The following ERO1B variants were observed in gnomAD, a reference collection of about 807,000 sequenced individuals.
ERO1B encodes endoplasmic reticulum oxidoreductase 1 beta, also known as ERO1-like protein beta.
Under a neutral mutation model 75.3 loss-of-function variants are expected in ERO1B, and 49 were observed. That is an observed-to-expected ratio of 0.65 (90% CI 0.52 to 0.83). ERO1B has a LOEUF of 0.83. Among genes scored for constraint, ERO1B ranks in the 40% least tolerant of loss-of-function variants. The pLI is 0.00. For synonymous variants in ERO1B, 191 were observed against 192.9 expected, an observed-to-expected ratio of 0.99 and a Z score of 0.08; for missense variants, 512 against 560.1, an observed-to-expected ratio of 0.91 and a Z score of 0.87.
intron 2 of ERO1B, among the ~76,000 whole-genome samples, chr1:236,257,756 C>G (rs1665193111): frequency 6.6e-6 from 1 of 150,424 alleles, no homozygotes; most frequent in African/African-American, 2.5e-5. Context: ...AAATCATTGA[C>G]CTGAAGAACA....
chr1:236,247,134 C>A (rs1664903317), intron 5 of ERO1B, among the ~76,000 whole-genome samples: 1 of 152,138 alleles, frequency 6.6e-6, no homozygotes, highest in African/African-American at 2.4e-5. Flanking sequence ...ACACTCTCTC[C>A]TTGGTGATCT....
Position 236,217,346 on chromosome 1 carries a change from G to C in ERO1B, c.*1170C>G, listed in dbSNP as rs368420911. 2.0e-5 allele frequency: 3 copies of C among 149,750 alleles called. No homozygotes were observed. The highest frequency in any genetic ancestry group is 4.0e-4 in the East Asian group (2 of 4,982). 9.3% of individuals were successfully genotyped at this position (149,750 alleles called of 1,614,324 possible). The stretch of plus-strand genomic sequence containing the variant: ...TAAATCCCAGATTTAGAAAATGACA[G>C]TTTAGGACTGTTGGTATGAATCACA... On this transcript the variant is annotated 3_prime_UTR_variant, in exon 16 of 16. Transcript: ENST00000354619.
intron 6 of ERO1B, among the ~76,000 whole-genome samples, chr1:236,239,299 T>C (rs1166105979): frequency 6.6e-6 from 1 of 152,188 alleles, no homozygotes; most frequent in East Asian, 1.9e-4. Context: ...TAAATAAAGT[T>C]TTCATGGAAC....
chr1:236,234,405 G>A (rs1664488070), intron 8 of ERO1B, among the ~76,000 whole-genome samples: 1 of 152,194 alleles, frequency 6.6e-6, no homozygotes, highest in Non-Finnish European at 1.5e-5. Context: ...AAAAGGTCTG[G>A]AAGAACACCT....
At chr1:236,254,666 G>A (rs1665117595) in intron 2 of ERO1B, among the ~76,000 whole-genome samples, 1 of 152,034 alleles carries the variant, frequency 6.6e-6, no homozygotes, top group Admixed American at 6.6e-5. Context: ...AGGCTGGAGT[G>A]CAATGGTGCA....
chr1:236,263,778 CTTTTTTTT>C, intron 2 of ERO1B, among the ~76,000 whole-genome samples: 334 of 80,190 alleles, frequency 4.2e-3, no homozygotes, highest in African/African-American at 0.017. Context: ...ATTTTGTTTG[CTTTTTTTT>C]TTTTTTTTTT....
chr1:236,232,169 T>C (rs553856922), intron 9 of ERO1B, among the ~76,000 whole-genome samples: 1 of 152,306 alleles, frequency 6.6e-6, no homozygotes, highest in Admixed American at 6.5e-5. Context: ...CACCTACTGT[T>C]TGTACCATCT....
intron 4 of ERO1B, 140 bp from the exon 5 acceptor site, chr1:236,250,107 A>T (rs1290239401): frequency 1.5e-5 from 7 of 472,114 alleles, no homozygotes; most frequent in Non-Finnish European, 2.5e-5. Context: ...TATCATATGT[A>T]AGAAATACAA....
At chr1:236,272,262 A>T (rs1215014721) in intron 1 of ERO1B, among the ~76,000 whole-genome samples, 1 of 152,218 alleles carries the variant, frequency 6.6e-6, no homozygotes, top group Non-Finnish European at 1.5e-5. Flanking sequence ...TTGAACGTTT[A>T]TCACGGCACT....
intron 2 of ERO1B, among the ~76,000 whole-genome samples, chr1:236,266,505 G>T (rs893211849): frequency 6.6e-6 from 1 of 151,996 alleles, no homozygotes; most frequent in African/African-American, 2.4e-5. Context: ...TCAGGAGGCT[G>T]AGGCAGGAGA....
intron 2 of ERO1B, among the ~76,000 whole-genome samples, chr1:236,266,529 G>C (rs973882183): frequency 9.7e-4 from 148 of 152,060 alleles, no homozygotes; most frequent in African/African-American, 3.5e-3. Context: ...ACTTGAACCT[G>C]GGAGGCTGAG....
At chr1:236,226,764 A>C in intron 10 of ERO1B, 25 bp from the exon 11 acceptor site, 1 of 1,543,520 alleles carries the variant, frequency 6.5e-7, no homozygotes, top group East Asian at 2.3e-5. Flanking sequence ...ATTGAAAAAG[A>C]AATTACACCT....
intron 3 of ERO1B, 141 bp downstream of exon 3, chr1:236,253,281 T>G (rs1341186361): frequency 1.0e-5 from 6 of 598,968 alleles, no homozygotes; most frequent in Non-Finnish European, 1.8e-5. Context: ...AATAATCTGG[T>G]TCTAAAGGAG....
rs902789653 is a variant in ERO1B, at chr1:236,216,662, T to A, written c.*1854A>T. 3 of 152,034 alleles carry A rather than the reference T, an allele frequency of 2.0e-5. No homozygotes were observed. Among genetic ancestry groups the A allele is most frequent in the African/African-American group, 7.2e-5 (3 of 41,430 alleles). The allele number at this position is 152,034 out of a possible 1,614,324, so 9.4% of individuals were successfully genotyped here. The stretch of plus-strand genomic sequence containing the variant: ...GGACATGAGCGAGGATTTTCTCCAG[T>A]AAACAGTTTAAATAATAGCCTTTAA... On this transcript the variant is annotated 3_prime_UTR_variant, in exon 16 of 16. Transcript: ENST00000354619.
intron 1 of ERO1B, among the ~76,000 whole-genome samples, chr1:236,279,445 C>T (rs1276810149): frequency 7.1e-6 from 1 of 140,882 alleles, no homozygotes; most frequent in African/African-American, 2.6e-5. Context: ...GGAGGCTGCA[C>T]TGAGCCAAGA....
Position 236,220,010 on chromosome 1 carries a change from C to T in ERO1B, c.1343+822G>A, listed in dbSNP as rs1416744906. ...CTGCATTCCAGCCTGGATGACAGAG[C>T]GAGACCCTCATCTCTTTTAAAAAAA... is the stretch of plus-strand genomic sequence containing the variant. On this transcript the variant is annotated intron_variant, in intron 15 of 15. Coordinates refer to ENST00000354619, the MANE Select transcript of ERO1B (RefSeq NM_019891.4). 9.7e-5 allele frequency among the ~76,000 whole-genome samples: 12 copies of T among 123,900 alleles called. No homozygotes were observed. The Admixed American group carries it at 1.0e-3, about 10-fold the overall frequency. 81.3% of individuals were successfully genotyped at this position (123,900 alleles called of 152,430 possible). A position where few individuals can be genotyped will look rare whatever the true frequency, so the allele number is the denominator to read the frequency against.
At chr1:236,241,171 A>AT (rs1226003760) in intron 6 of ERO1B, among the ~76,000 whole-genome samples, 1 of 152,214 alleles carries the variant, frequency 6.6e-6, no homozygotes, top group Non-Finnish European at 1.5e-5. Flanking sequence ...TATTCTTTAT[A>AT]TTTTTGTTTT....
intron 2 of ERO1B, among the ~76,000 whole-genome samples, chr1:236,266,716 TGAGTA>T (rs1424217903): frequency 6.6e-6 from 1 of 152,318 alleles, no homozygotes; most frequent in South Asian, 2.1e-4. Flanking sequence ...TAGAGTATAT[TGAGTA>T]GAGTATATTC....
At position 236,218,485 on chromosome 1, in the gene ERO1B, A is replaced by G. The variant is rs548213962; in HGVS notation, c.*31T>C. ...TTAAAAGGCTTTCCACAGTCACTTT[A>G]TGTCTCTAGTTAGACACATAAAAGC... On this transcript the variant is annotated 3_prime_UTR_variant, in exon 16 of 16. Coordinates refer to ENST00000354619, the MANE Select transcript of ERO1B (RefSeq NM_019891.4). The G allele has an allele frequency of 1.5e-4, 210 of 1,421,464 alleles. 1 individual carries two copies. The South Asian group carries it at 3.1e-3, about 21-fold the overall frequency. 88.1% of individuals were successfully genotyped at this position (1,421,464 alleles called of 1,614,324 possible).
Sources: gnomAD v4.1 joint callset for allele counts (sites outside exome capture counted in the v4.1 genomes callset) on GRCh38, gnomAD v4.1.1 for gene constraint, MANE v1.5 for transcripts, NCBI Gene and HGNC (gene_info 2026-07-23, HGNC 2026-07-21) for gene names.